AGXT2: variants seen among roughly 807,000 people sequenced by gnomAD.
AGXT2 encodes alanine--glyoxylate aminotransferase 2, also known as alanine--glyoxylate aminotransferase 2, mitochondrial.
AGXT2 carries 61 observed loss-of-function variants against 62.5 expected under a neutral mutation model. That is an observed-to-expected ratio of 0.98 (90% CI 0.79 to 1.21). The LOEUF (loss-of-function observed/expected upper bound fraction) is 1.21. Among genes scored for constraint, AGXT2 ranks in the 50% most tolerant of loss-of-function variants. The pLI is 0.00. For missense variants in AGXT2, 666 were observed against 641.5 expected (o/e 1.04, Z -0.41); for synonymous variants, 243 against 218.7 (o/e 1.11, Z -0.98).
chr5:35,040,982 G>C (rs1767963938), intron 1 of AGXT2, among the ~76,000 whole-genome samples: 1 of 151,974 alleles, frequency 6.6e-6, no homozygotes, highest in African/African-American at 2.4e-5. Flanking sequence ...CAAAACTTCT[G>C]CTAGTGCAAT....
chr5:35,047,219 G>T (rs536691245), intron 1 of AGXT2, among the ~76,000 whole-genome samples: 1 of 152,336 alleles, frequency 6.6e-6, no homozygotes, highest in South Asian at 2.1e-4. Context: ...TGAGAGGATT[G>T]CTTGAGCCCG....
chr5:35,013,308 G>T (rs568054343), intron 10 of AGXT2, among the ~76,000 whole-genome samples: 155 of 152,318 alleles, frequency 1.0e-3, no homozygotes, highest in Non-Finnish European at 1.6e-3. Flanking sequence ...TCAGGGTGGG[G>T]CCCTATCTAA....
chr5:35,036,455 A>G (rs1291518365), intron 4 of AGXT2, among the ~76,000 whole-genome samples: 1 of 152,362 alleles, frequency 6.6e-6, no homozygotes, highest in East Asian at 1.9e-4. Flanking sequence ...AAAACAGCTC[A>G]TGTAGAAAAA....
intron 4 of AGXT2, among the ~76,000 whole-genome samples, 188 bp from the exon 5 acceptor site, chr5:35,035,504 A>T (rs180748): frequency 3.3e-5 from 5 of 152,078 alleles, no homozygotes; most frequent in African/African-American, 1.2e-4. Flanking sequence ...TCCAGTAGCC[A>T]CTAAGTGCCA....
chr5:35,032,313 G>A (rs952283990), intron 7 of AGXT2, among the ~76,000 whole-genome samples: 3 of 150,964 alleles, frequency 2.0e-5, no homozygotes, highest in East Asian at 2.0e-4. Context: ...CTGCAGCCTC[G>A]ACTTCCTCAG....
chr5:35,012,898 G>A, intron 11 of AGXT2, 56 bp downstream of exon 11: 15 of 1,467,512 alleles, frequency 1.0e-5, no homozygotes, highest in South Asian at 2.4e-5. Context: ...TGCATGTGTG[G>A]TTTTGAAAGA....
At chr5:35,002,778 G>C (rs1055217410) in intron 13 of AGXT2, among the ~76,000 whole-genome samples, 15 of 108,376 alleles carry the variant, frequency 1.4e-4, no homozygotes, top group Non-Finnish European at 3.2e-4. Context: ...TAGCAGGCTG[G>C]GGGGGGGGAC....
chr5:35,024,926 C>T (rs1036188747), intron 9 of AGXT2, among the ~76,000 whole-genome samples: 4 of 151,918 alleles, frequency 2.6e-5, no homozygotes, highest in African/African-American at 9.7e-5. Context: ...GCTGAGATTG[C>T]ACCACTGCAC....
chr5:34,999,648 T>C (rs1439437015), intron 13 of AGXT2, among the ~76,000 whole-genome samples: 1 of 152,172 alleles, frequency 6.6e-6, no homozygotes, highest in African/African-American at 2.4e-5. Context: ...GCGTCCTTTC[T>C]CAATCTAAAC....
At chr5:35,013,800 AG>A (rs79432192) in intron 10 of AGXT2, among the ~76,000 whole-genome samples, 186 bp downstream of exon 10, 12,464 of 66,382 alleles carry the variant, frequency 0.19, 647 homozygotes, top group Middle Eastern at 0.32. Flanking sequence ...AAAAAAAAAA[AG>A]GGCTGGCTTT....
In AGXT2 at chr5:35,024,976, GA is replaced by G. The variant is rs372265138; in HGVS notation, c.963+786del. On this transcript the variant is annotated intron_variant, in intron 9 of 13. Coordinates refer to ENST00000231420, the MANE Select transcript of AGXT2 (RefSeq NM_031900.4). ...CAAGAAAGAAATTCTGTCTCAAAAA[GA>G]AACAAACAAACAAAAAAACCCACAT... 1.0e-3 allele frequency among the ~76,000 whole-genome samples: 156 copies of G among 152,112 alleles called. 2 individuals are homozygous for G. In the South Asian group the frequency reaches 0.012, roughly 11 times the overall value.
intron 1 of AGXT2, 54 bp from the exon 2 acceptor site, chr5:35,040,717 T>C: frequency 1.5e-6 from 2 of 1,371,672 alleles, no homozygotes; most frequent in Non-Finnish European, 1.0e-6. Flanking sequence ...GGTCTGTTTG[T>C]GAAAGTCACC....
chr5:35,004,743 G>A (rs928030304), intron 12 of AGXT2, among the ~76,000 whole-genome samples: 1 of 152,192 alleles, frequency 6.6e-6, no homozygotes, highest in Non-Finnish European at 1.5e-5. Flanking sequence ...CGAGCTAAGT[G>A]AGGTAGACGG....
intron 10 of AGXT2, among the ~76,000 whole-genome samples, chr5:35,013,309 C>A (rs530201816): frequency 2.0e-5 from 3 of 152,294 alleles, no homozygotes; most frequent in East Asian, 1.9e-4. Context: ...CAGGGTGGGG[C>A]CCTATCTAAG....
At chr5:35,038,862 T>C (rs1010737380) in intron 3 of AGXT2, among the ~76,000 whole-genome samples, 5 of 152,174 alleles carry the variant, frequency 3.3e-5, no homozygotes, top group Non-Finnish European at 5.9e-5. Context: ...CAGCTAGGAT[T>C]GCATCTGTCT....
intron 8 of AGXT2, 37 bp downstream of exon 8, chr5:35,026,373 A>T: frequency 6.6e-7 from 1 of 1,520,498 alleles, no homozygotes. Context: ...ATAATTGAAG[A>T]TTCAGCTCCA....
intron 1 of AGXT2, among the ~76,000 whole-genome samples, chr5:35,047,428 G>C (rs913989840): frequency 4.6e-5 from 7 of 152,148 alleles, no homozygotes; most frequent in African/African-American, 1.7e-4. Context: ...AGGTGACAGA[G>C]GGAGACCCTG....
intron 13 of AGXT2, among the ~76,000 whole-genome samples, chr5:35,000,537 C>T (rs1292039119): frequency 1.3e-5 from 2 of 152,270 alleles, no homozygotes; most frequent in East Asian, 3.9e-4. Flanking sequence ...TGTGCCACCA[C>T]ACTCAGCTAA....
At chr5:35,043,626 A>C (rs931733326) in intron 1 of AGXT2, among the ~76,000 whole-genome samples, 5 of 152,028 alleles carry the variant, frequency 3.3e-5, no homozygotes, top group Non-Finnish European at 7.4e-5. Context: ...TCGGCCTCCC[A>C]GGCTCAAACA....
Sources: gnomAD v4.1 joint callset for allele counts (sites outside exome capture counted in the v4.1 genomes callset) on GRCh38, gnomAD v4.1.1 for gene constraint, MANE v1.5 for transcripts, NCBI Gene and HGNC (gene_info 2026-07-23, HGNC 2026-07-21) for gene names.